The following CLIC5 variants were observed in gnomAD, a reference collection of about 807,000 sequenced individuals.
The protein encoded by CLIC5 is CLIC family member 5.
A neutral mutation model predicts 24.7 loss-of-function variants in CLIC5; 20 were observed. That is an observed-to-expected ratio of 0.81 (90% CI 0.57 to 1.18). The LOEUF is 1.18. Ranked by LOEUF, CLIC5 falls within the 50% of genes most tolerant of loss-of-function variation. The pLI is 0.00. For missense variants in CLIC5, 341 were observed against 326.1 expected, an observed-to-expected ratio of 1.05 and a Z score of -0.35; for synonymous variants, 159 against 135.6, an observed-to-expected ratio of 1.17 and a Z score of -1.20.
At chr6:45,944,717 C>T (rs1467716428) in intron 3 of CLIC5, among the ~76,000 whole-genome samples, 1 of 152,132 alleles carries the variant, frequency 6.6e-6, no homozygotes, top group South Asian at 2.1e-4. Flanking sequence ...ACCCACCATG[C>T]AATTAAACCA....
At chr6:46,109,206 G>A in the CLIC5 span, among the ~76,000 whole-genome samples, 1 of 152,008 alleles carries the variant, frequency 6.6e-6, no homozygotes, top group Non-Finnish European at 1.5e-5. Flanking sequence ...TTTTCTCGAA[G>A]AATGGTTTAT....
At chr6:45,965,604 A>C (rs1183150445) in intron 1 of CLIC5, among the ~76,000 whole-genome samples, 2 of 152,214 alleles carry the variant, frequency 1.3e-5, no homozygotes, top group Non-Finnish European at 2.9e-5. Context: ...GAAATGTACC[A>C]AAACACAGGA....
chr6:45,983,665 GAA>G (rs3836938), intron 1 of CLIC5, among the ~76,000 whole-genome samples: 9,814 of 152,164 alleles, frequency 0.064, 997 homozygotes, highest in African/African-American at 0.22. Context: ...TGTAAAGAGA[GAA>G]TATAGACAAC....
chr6:45,958,425 TATATATATATATA>T (rs1764720845), intron 1 of CLIC5, among the ~76,000 whole-genome samples: 6 of 5,114 alleles, frequency 1.2e-3, no homozygotes, highest in South Asian at 9.7e-3. Context: ...AAGACAATTA[TATATATATATATA>T]TATATATATA....
intron 2 of CLIC5, among the ~76,000 whole-genome samples, chr6:45,952,218 C>A (rs558697457): frequency 6.6e-6 from 1 of 152,154 alleles, no homozygotes; most frequent in South Asian, 2.1e-4. Context: ...CTATGGCCAC[C>A]GACGCTTAGC....
chr6:45,987,900 T>C (rs1282933782), intron 1 of CLIC5, among the ~76,000 whole-genome samples: 1 of 152,224 alleles, frequency 6.6e-6, no homozygotes, highest in African/African-American at 2.4e-5. Flanking sequence ...TATGAATTGG[T>C]GAGCACAATT....
At chr6:45,973,382 G>A (rs1244140094) in intron 1 of CLIC5, among the ~76,000 whole-genome samples, 2 of 152,196 alleles carry the variant, frequency 1.3e-5, no homozygotes, top group African/African-American at 2.4e-5. Flanking sequence ...AAGCCTGCCT[G>A]TTGCAGGAAA....
At chr6:45,992,411 A>C (rs1535109) in intron 1 of CLIC5, among the ~76,000 whole-genome samples, 50,811 of 152,126 alleles carry the variant, frequency 0.33, 8,656 homozygotes, top group Middle Eastern at 0.45. Flanking sequence ...TAAGAATGAC[A>C]GTTTATTTTA....
At chr6:46,059,054 T>C (rs1768342841) in intron 1 of CLIC5, among the ~76,000 whole-genome samples, 1 of 152,224 alleles carries the variant, frequency 6.6e-6, no homozygotes, top group Admixed American at 6.5e-5. Flanking sequence ...TCAACCTGGA[T>C]GTGCAGTACT....
chr6:46,069,027 C>G, intron 1 of CLIC5, among the ~76,000 whole-genome samples: 1 of 152,048 alleles, frequency 6.6e-6, no homozygotes, highest in South Asian at 2.1e-4. Flanking sequence ...GGAAAGCCCT[C>G]CTGAAAAGGT....
At chr6:46,052,460 T>C (rs1455008144) in intron 1 of CLIC5, among the ~76,000 whole-genome samples, 1 of 152,218 alleles carries the variant, frequency 6.6e-6, no homozygotes, top group Non-Finnish European at 1.5e-5. Context: ...GACAAACTTC[T>C]GGAAGAGAGA....
chr6:45,903,199 C>CCACA lies in CLIC5; in HGVS notation c.641_644dup (p.Trp215CysfsTer12). On this transcript the variant is annotated frameshift_variant, in exon 6 of 6. Coordinates refer to ENST00000339561, the MANE Select transcript of CLIC5 (RefSeq NM_016929.5). LOFTEE classifies it high-confidence loss of function. ...GGGCATAGGCGTTCTTGAGGTACCG[C>CCACA]CACAGGCCTGTCATCTCAGCCGGGA... 1 of 1,612,550 alleles carries CCACA rather than the reference C, an allele frequency of 6.2e-7. No individual in the cohort carries two copies. Among genetic ancestry groups the CCACA allele is most frequent in the Non-Finnish European group, 8.5e-7 (1 of 1,179,530 alleles).
chr6:45,981,047 T>A (rs1272298209), intron 1 of CLIC5, among the ~76,000 whole-genome samples: 1 of 151,430 alleles, frequency 6.6e-6, no homozygotes, highest in Non-Finnish European at 1.5e-5. Flanking sequence ...CTCGGCTCAC[T>A]GCAGCCTCAA....
chr6:45,883,883 GAT>G (rs1762282543), intron 6 of CLIC5: 1 of 152,274 alleles, frequency 6.6e-6, no homozygotes, highest in African/African-American at 2.4e-5. Flanking sequence ...CATGAATAAA[GAT>G]AAAGAAGCAT....
chr6:45,958,468 AT>A (rs1764738541), intron 1 of CLIC5, among the ~76,000 whole-genome samples: 1 of 137,546 alleles, frequency 7.3e-6, no homozygotes, highest in African/African-American at 2.7e-5. Flanking sequence ...ATATATATAT[AT>A]ATATATAAAC....
intron 1 of CLIC5, among the ~76,000 whole-genome samples, chr6:46,061,969 C>T (rs1429632321): frequency 6.6e-6 from 1 of 152,220 alleles, no homozygotes; most frequent in Non-Finnish European, 1.5e-5. Context: ...CCTGTAATAG[C>T]ACTGTCCTAC....
At chr6:46,042,589 G>A (rs757141237) in intron 1 of CLIC5, among the ~76,000 whole-genome samples, 2 of 152,124 alleles carry the variant, frequency 1.3e-5, no homozygotes, top group African/African-American at 2.4e-5. Context: ...CCTAGAGGGT[G>A]CTGTTTTCCT....
At chr6:45,975,223 C>T (rs970870980) in intron 1 of CLIC5, among the ~76,000 whole-genome samples, 28 of 152,254 alleles carry the variant, frequency 1.8e-4, no homozygotes, top group African/African-American at 6.0e-4. Context: ...GTGAGGCACA[C>T]TCAGGGGTCG....
the CLIC5 span, among the ~76,000 whole-genome samples, chr6:46,105,786 A>C: frequency 6.6e-6 from 1 of 152,224 alleles, no homozygotes; most frequent in Non-Finnish European, 1.5e-5. Flanking sequence ...CTAAGAGAGA[A>C]CTTGACCTTT....
Sources: allele counts gnomAD v4.1 joint callset (sites outside exome capture counted in the v4.1 genomes callset), GRCh38; gene constraint gnomAD v4.1.1; transcripts MANE v1.5; gene names NCBI Gene and HGNC (gene_info 2026-07-23, HGNC 2026-07-21).